The following MAPKAP1 variants were observed in gnomAD, a reference collection of about 807,000 sequenced individuals.
The protein encoded by MAPKAP1 is MAPK associated protein 1.
In MAPKAP1, 20 loss-of-function variants were observed where a neutral mutation model predicts 65.7. The observed-to-expected ratio is 0.30, with a 90% CI of 0.21 to 0.44. The LOEUF (loss-of-function observed/expected upper bound fraction) is 0.44, where lower values mean the gene tolerates loss of function less well. Among genes scored for constraint, MAPKAP1 ranks in the 20% least tolerant of loss-of-function variants. MAPKAP1 has a pLI of 1.00. For missense variants in MAPKAP1, 423 were observed against 648.0 expected (o/e 0.65, Z 3.77); for synonymous variants, 222 against 244.3 (o/e 0.91, Z 0.85).
At chr9:125,474,955 G>A (rs145041280) in intron 9 of MAPKAP1, among the ~76,000 whole-genome samples, 156 of 152,176 alleles carry the variant, frequency 1.0e-3, no homozygotes, top group East Asian at 9.7e-4. Context: ...ACAACTCTTC[G>A]CCAGAGTGGA....
chr9:125,565,775 T>C (rs1219722250), intron 5 of MAPKAP1: 1 of 410,590 alleles, frequency 2.4e-6, no homozygotes, highest in East Asian at 7.7e-5. Flanking sequence ...AAGGTTATTA[T>C]CTATAACTTA....
intron 4 of MAPKAP1, among the ~76,000 whole-genome samples, chr9:125,635,386 T>G (rs1355270983): frequency 6.6e-6 from 1 of 152,222 alleles, no homozygotes; most frequent in Non-Finnish European, 1.5e-5. Context: ...CCAAACCATC[T>G]TTTTCTTTCT....
At chr9:125,607,508 A>G (rs1166042321) in intron 4 of MAPKAP1, among the ~76,000 whole-genome samples, 1 of 152,244 alleles carries the variant, frequency 6.6e-6, no homozygotes, top group African/African-American at 2.4e-5. Context: ...GGAAGCTTGC[A>G]GAAATGAAGC....
chr9:125,575,987 T>G (rs374586096), intron 5 of MAPKAP1, among the ~76,000 whole-genome samples: 18 of 152,170 alleles, frequency 1.2e-4, no homozygotes, highest in African/African-American at 4.1e-4. Context: ...CTGTGGTAAA[T>G]CCATGCAGTC....
At chr9:125,600,748 C>T (rs2131609846) in intron 4 of MAPKAP1, among the ~76,000 whole-genome samples, 1 of 152,270 alleles carries the variant, frequency 6.6e-6, no homozygotes, top group South Asian at 2.1e-4. Flanking sequence ...TCAGAATGTG[C>T]TCTCACACAG....
chr9:125,695,384 G>C (rs903441008), intron 1 of MAPKAP1, among the ~76,000 whole-genome samples: 1 of 152,156 alleles, frequency 6.6e-6, no homozygotes, highest in African/African-American at 2.4e-5. Flanking sequence ...ATGCCGAAAT[G>C]AAATATGACA....
At position 125,623,707 on chromosome 9, in the gene MAPKAP1, G is replaced by C. The variant is rs1262948317; in HGVS notation, c.498+33944C>G. ...GCCACCCCGTCCGGGAGGGAGGTGGGGGGGGGGTCAGCCCCCCGCCCGGCC... is the reference window on the plus strand; with the variant it reads ...GCCACCCCGTCCGGGAGGGAGGTGGCGGGGGGGTCAGCCCCCCGCCCGGCC... On this transcript the variant is annotated intron_variant, in intron 4 of 11. Transcript: ENST00000265960. Among the ~76,000 whole-genome samples, 6 of 30,268 alleles carry C rather than the reference G, an allele frequency of 2.0e-4. 2 individuals are homozygous for C. The highest frequency in any genetic ancestry group is 1.1e-3 in the Admixed American group (3 of 2,620). 19.9% of individuals were successfully genotyped at this position (30,268 alleles called of 152,430 possible). A position where few individuals can be genotyped will look rare whatever the true frequency, so the allele number is the denominator to read the frequency against.
Position 125,447,971 on chromosome 9 carries a change from G to C in MAPKAP1, c.1346-3373C>G, listed in dbSNP as rs930654481. ...AAACCAGGGTCATGTGTGGCAGGCA[G>C]GTGGGAGGGAGAGGGACACAAAGGG... On this transcript the variant is annotated intron_variant, in intron 10 of 11. Coordinates refer to ENST00000265960, the MANE Select transcript of MAPKAP1 (RefSeq NM_001006617.3). The surrounding 1 kb of genome is among the most constrained non-coding windows in gnomAD (Gnocchi z 4.5). 1.3e-5 allele frequency among the ~76,000 whole-genome samples: 2 copies of C among 152,230 alleles called. No homozygotes were observed. Among genetic ancestry groups the C allele is most frequent in the Non-Finnish European group, 2.9e-5 (2 of 68,044 alleles).
At chr9:125,633,279 T>C (rs967051165) in intron 4 of MAPKAP1, among the ~76,000 whole-genome samples, 2 of 152,130 alleles carry the variant, frequency 1.3e-5, no homozygotes, top group Non-Finnish European at 2.9e-5. Context: ...CAAGGCTGAT[T>C]GTGGATAACA....
chr9:125,602,711 G>A (rs1252022629), intron 4 of MAPKAP1, among the ~76,000 whole-genome samples: 1 of 152,100 alleles, frequency 6.6e-6, no homozygotes. Context: ...ACCTATCAGG[G>A]TCCAAGCACT....
At chr9:125,599,009 G>C (rs1200490914) in intron 4 of MAPKAP1, among the ~76,000 whole-genome samples, 4 of 149,346 alleles carry the variant, frequency 2.7e-5, no homozygotes, top group Non-Finnish European at 5.9e-5. Context: ...TCTAGCCTGG[G>C]TGACAAGAAT....
intron 1 of MAPKAP1, among the ~76,000 whole-genome samples, chr9:125,682,587 T>A (rs1564615315): frequency 1.3e-5 from 2 of 152,240 alleles, no homozygotes; most frequent in South Asian, 4.1e-4. Context: ...CTAAATTATT[T>A]TTCCAATGGG....
intron 7 of MAPKAP1, among the ~76,000 whole-genome samples, chr9:125,533,513 G>A (rs188300172): frequency 2.0e-5 from 3 of 151,846 alleles, no homozygotes; most frequent in Non-Finnish European, 2.9e-5. Flanking sequence ...ACAGTGGCAC[G>A]ATCTTGGCTT....
chr9:125,467,426 G>A (rs1379101275), intron 10 of MAPKAP1, among the ~76,000 whole-genome samples: 1 of 152,244 alleles, frequency 6.6e-6, no homozygotes, highest in Non-Finnish European at 1.5e-5. Context: ...CAACCCAGCA[G>A]AGATCTCTTC....
rs1834069217 is a variant in MAPKAP1 at position 125,657,636 on chromosome 9, C to G, written c.498+15G>C. On this transcript the variant is annotated intron_variant, in intron 4 of 11. Coordinates refer to ENST00000265960, the MANE Select transcript of MAPKAP1 (RefSeq NM_001006617.3). ...ACAGTTTTACTTAAAGGGACAAAGTCTCATTTTTACTTACCTTGCCATCAA... is the reference window on the plus strand; with the variant it reads ...ACAGTTTTACTTAAAGGGACAAAGTGTCATTTTTACTTACCTTGCCATCAA... 3.1e-6 allele frequency: 5 copies of G among 1,593,578 alleles called. No homozygotes were observed. The highest frequency in any genetic ancestry group is 3.4e-6 in the Non-Finnish European group (4 of 1,171,312).
chr9:125,583,891 G>A (rs1366131093), intron 5 of MAPKAP1, among the ~76,000 whole-genome samples: 3 of 152,098 alleles, frequency 2.0e-5, no homozygotes, highest in Non-Finnish European at 4.4e-5. Flanking sequence ...GTGAAACCCC[G>A]TCTCTACTAA....
intron 10 of MAPKAP1, among the ~76,000 whole-genome samples, chr9:125,462,052 G>T (rs1853515643): frequency 6.6e-6 from 1 of 152,104 alleles, no homozygotes; most frequent in Non-Finnish European, 1.5e-5. Context: ...AAAATTCCTG[G>T]GTATCTCCTC....
At chr9:125,539,609 G>C (rs1217062258) in intron 7 of MAPKAP1, among the ~76,000 whole-genome samples, 1 of 152,220 alleles carries the variant, frequency 6.6e-6, no homozygotes, top group Non-Finnish European at 1.5e-5. Flanking sequence ...GGGTAAGCTT[G>C]ACAGAGGGAG....
At chr9:125,464,204 TAAAAAAAAAA>T (rs57497941) in intron 10 of MAPKAP1, among the ~76,000 whole-genome samples, 38 of 83,300 alleles carry the variant, frequency 4.6e-4, no homozygotes, top group African/African-American at 1.4e-3. Flanking sequence ...TCTCATATAT[TAAAAAAAAAA>T]AAAAAAAAAA....
Sources: allele counts gnomAD v4.1 joint callset (sites outside exome capture counted in the v4.1 genomes callset), GRCh38; gene constraint gnomAD v4.1.1; non-coding constraint Gnocchi (gnomAD v3.1); transcripts MANE v1.5; gene names NCBI Gene and HGNC (gene_info 2026-07-23, HGNC 2026-07-21).